The following PBX1 variants were observed in gnomAD, a reference collection of about 807,000 sequenced individuals.
The protein encoded by PBX1 is pre-B-cell leukemia transcription factor 1.
PBX1 carries 6 observed loss-of-function variants against 53.4 expected under a neutral mutation model. That is an observed-to-expected ratio of 0.11 (90% CI 0.06 to 0.22). The LOEUF (loss-of-function observed/expected upper bound fraction) is 0.22, where lower values mean the gene tolerates loss of function less well. PBX1 is among the 10% of genes least tolerant of loss of function. The pLI is 1.00. For synonymous variants in PBX1, 204 were observed against 212.3 expected (o/e 0.96, Z 0.34); for missense variants, 251 against 551.4 (o/e 0.46, Z 5.46).
At chr1:164,560,357 C>G (rs906725266) in intron 1 of PBX1, 3 of 397,248 alleles carry the variant, frequency 7.6e-6, no homozygotes, top group African/African-American at 6.2e-5. Flanking sequence ...AAAAAAGTAT[C>G]AGAGAAAGCA....
chr1:164,688,590 A>G (rs1334197859), intron 2 of PBX1, among the ~76,000 whole-genome samples: 1 of 152,130 alleles, frequency 6.6e-6, no homozygotes, highest in Non-Finnish European at 1.5e-5. Flanking sequence ...GGAAACTGCC[A>G]CCATGCCATA....
At chr1:164,739,753 A>ATGTGTG (rs57602745) in intron 2 of PBX1, among the ~76,000 whole-genome samples, 1 of 143,036 alleles carries the variant, frequency 7.0e-6, no homozygotes, top group African/African-American at 2.6e-5. Flanking sequence ...GTGGTTGTGC[A>ATGTGTG]TGTGTGTGTG....
intron 8 of PBX1, among the ~76,000 whole-genome samples, chr1:164,842,022 AC>A (rs1671323621): frequency 1.3e-5 from 2 of 152,266 alleles, no homozygotes; most frequent in Admixed American, 1.3e-4. Flanking sequence ...TTGGGCTGTC[AC>A]ATCAGGTGAT....
chr1:164,612,791 G>A (rs1001827198), intron 2 of PBX1, among the ~76,000 whole-genome samples: 1 of 152,092 alleles, frequency 6.6e-6, no homozygotes, highest in Non-Finnish European at 1.5e-5. Context: ...TGAGTTGCTG[G>A]TGTCTCATGA....
intron 2 of PBX1, among the ~76,000 whole-genome samples, chr1:164,662,303 G>A (rs992724452): frequency 3.9e-5 from 6 of 152,312 alleles, no homozygotes; most frequent in African/African-American, 1.2e-4. Context: ...TTCAGCCTGG[G>A]CAACAGATCA....
chr1:164,676,044 A>T (rs1300365347), intron 2 of PBX1, among the ~76,000 whole-genome samples: 1 of 151,962 alleles, frequency 6.6e-6, no homozygotes. Context: ...CAGTCTCCTT[A>T]CCCCAGTTCC....
chr1:164,679,938 T>G (rs1027410544), intron 2 of PBX1: 3 of 147,586 alleles, frequency 2.0e-5, no homozygotes, highest in Non-Finnish European at 4.5e-5. Context: ...TTTTTTTTTA[T>G]TTGTCTGAAA....
At chr1:164,858,866 G>A (rs918372932) in intron 2 of PBX1, among the ~76,000 whole-genome samples, 1 of 152,168 alleles carries the variant, frequency 6.6e-6, no homozygotes, top group Non-Finnish European at 1.5e-5. Context: ...GTCTTCATAC[G>A]TGCCGTGTAC....
In PBX1 at chr1:164,877,088, G is replaced by GT. The variant is rs370503057; in HGVS notation, n.258-22089dup. On this transcript the variant is annotated intron_variant and non_coding_transcript_variant, in intron 2 of 2. Coordinates refer to the PBX1 transcript ENST00000558796. ...ATTCTGTGACAACCCTGTGAAGTAA[G>GT]TTTTTTTTTTTGCCTGTAAGTTTCT... 9.8e-3 allele frequency among the ~76,000 whole-genome samples: 1,438 copies of GT among 146,616 alleles called. 22 individuals carry two copies. The highest frequency in any genetic ancestry group is 0.027 in the African/African-American group (1,101 of 40,314).
intron 2 of PBX1, among the ~76,000 whole-genome samples, chr1:164,573,952 T>C (rs1654047226): frequency 6.6e-6 from 1 of 152,204 alleles, no homozygotes; most frequent in African/African-American, 2.4e-5. Flanking sequence ...AGATACATGG[T>C]TGTTCCCCAC....
intron 2 of PBX1, among the ~76,000 whole-genome samples, chr1:164,755,060 G>A (rs1296546883): frequency 6.6e-6 from 1 of 152,162 alleles, no homozygotes; most frequent in Non-Finnish European, 1.5e-5. Context: ...GACCTTTGAT[G>A]GAAGAACAAA....
At chr1:164,657,601 G>A (rs1660237249) in intron 2 of PBX1, among the ~76,000 whole-genome samples, 1 of 152,212 alleles carries the variant, frequency 6.6e-6, no homozygotes, top group South Asian at 2.1e-4. Context: ...TTAGTTGATA[G>A]TAAAATATGG....
intron 2 of PBX1, chr1:164,703,013 TAAAA>T (rs36076354): frequency 6.6e-6 from 1 of 151,098 alleles, no homozygotes; most frequent in African/African-American, 2.4e-5. Flanking sequence ...TGTCTATTAT[TAAAA>T]AAAAAGAGAG....
chr1:164,838,558 C>G (rs752411749), intron 8 of PBX1, among the ~76,000 whole-genome samples: 1 of 152,188 alleles, frequency 6.6e-6, no homozygotes, highest in Admixed American at 6.5e-5. Context: ...TAGCTGTGCT[C>G]TGCATGTGGA....
intron 5 of PBX1, 118 bp from the exon 6 acceptor site, chr1:164,811,872 T>TA (rs201203254): frequency 4.6e-6 from 1 of 216,554 alleles, no homozygotes; most frequent in Non-Finnish European, 6.9e-6. Context: ...GCCAAATTAT[T>TA]ATAGGATAAG....
chr1:164,701,339 C>T (rs1260934058), intron 2 of PBX1, among the ~76,000 whole-genome samples: 1 of 152,166 alleles, frequency 6.6e-6, no homozygotes, highest in Non-Finnish European at 1.5e-5. Context: ...ATGGATATGC[C>T]TGAGGCCTGG....
At chr1:164,743,437 T>A (rs61801351) in intron 2 of PBX1, among the ~76,000 whole-genome samples, 3,720 of 152,314 alleles carry the variant, frequency 0.024, 66 homozygotes, top group Non-Finnish European at 0.037. Context: ...TACATTCTAC[T>A]GCTGCTGTTG....
chr1:164,733,477 T>A (rs1045837724), intron 2 of PBX1, among the ~76,000 whole-genome samples: 9 of 152,154 alleles, frequency 5.9e-5, no homozygotes, highest in Non-Finnish European at 1.2e-4. Flanking sequence ...GACAGGTCTT[T>A]GTGACATTTT....
intron 1 of PBX1, chr1:164,562,967 A>T (rs1348126468): frequency 9.2e-6 from 1 of 108,654 alleles, no homozygotes; most frequent in Non-Finnish European, 1.9e-5. Context: ...AAACTACTTA[A>T]AAAAAAAAAA....
Sources: allele counts gnomAD v4.1 joint callset (sites outside exome capture counted in the v4.1 genomes callset), GRCh38; gene constraint gnomAD v4.1.1; transcripts MANE v1.5; gene names NCBI Gene and HGNC (gene_info 2026-07-23, HGNC 2026-07-21).